Variants in GLP1R observed in about 807,000 individuals in gnomAD.
GLP1R encodes the protein glucagon-like peptide 1 receptor.
In GLP1R, 32 loss-of-function variants were observed where a neutral mutation model predicts 68.4. The ratio of observed to expected loss-of-function variants is 0.47; its 90% CI spans 0.35 to 0.63. The LOEUF (loss-of-function observed/expected upper bound fraction) is 0.63, where lower values mean the gene tolerates loss of function less well. Among genes scored for constraint, GLP1R ranks in the 20% least tolerant of loss-of-function variants. The pLI is 0.00. For missense variants in GLP1R, 502 were observed against 594.9 expected, an observed-to-expected ratio of 0.84 and a Z score of 1.62; for synonymous variants, 263 against 244.4, an observed-to-expected ratio of 1.08 and a Z score of -0.71.
chr6:39,071,867 G>A (rs1431271455), intron 5 of GLP1R, among the ~76,000 whole-genome samples: 1 of 152,068 alleles, frequency 6.6e-6, no homozygotes, highest in East Asian at 1.9e-4. Flanking sequence ...CTCCTTTAAG[G>A]TAGCGAGTCT....
chr6:39,052,150 TG>T (rs1254750330), intron 1 of GLP1R, among the ~76,000 whole-genome samples: 1 of 151,758 alleles, frequency 6.6e-6, no homozygotes, highest in East Asian at 1.9e-4. Context: ...TGTGTCCACG[TG>T]GGGGTTTTTG....
chr6:39,080,686 T>A lies in GLP1R; in HGVS notation c.1183-12T>A. 6.3e-7 allele frequency: 1 copy of A among 1,589,492 alleles called. No homozygotes were observed. Among genetic ancestry groups the A allele is most frequent in the South Asian group, 1.1e-5 (1 of 88,438 alleles). On this transcript the variant is annotated splice_polypyrimidine_tract_variant and intron_variant, in intron 11 of 12. Transcript: ENST00000373256. ...CCTGCTTCCTCCCTCTTGATGTGAC[T>A]CTTGTTTCCAGGGGCTGATGGTGGC...
chr6:39,051,979 G>A (rs1768099734), intron 1 of GLP1R, among the ~76,000 whole-genome samples: 2 of 151,690 alleles, frequency 1.3e-5, no homozygotes, highest in Non-Finnish European at 2.9e-5. Context: ...ATGTGAGAGT[G>A]TCTGTGTGTT....
intron 12 of GLP1R, among the ~76,000 whole-genome samples, chr6:39,082,123 G>A (rs1223516257): frequency 6.6e-6 from 1 of 152,156 alleles, no homozygotes; most frequent in Non-Finnish European, 1.5e-5. Context: ...AAAGGGAAGG[G>A]AGGGGAATGT....
chr6:39,073,000 G>A lies in GLP1R; in HGVS notation c.648G>A (p.Gly216=). The change falls in exon 6 of 13, where the codon GGG becomes GGA. Residue 216 remains glycine, a synonymous_variant. Coordinates refer to ENST00000373256, the MANE Select transcript of GLP1R (RefSeq NM_002062.5). ...STAAQQHQWD[G]LLSYQDSLSC... Reference sequence around the variant, plus strand: ...CCGCCCAGCAGCACCAGTGGGATGGGCTCCTCTCCTACCAGGTGTGTGGTG... The same window carrying A: ...CCGCCCAGCAGCACCAGTGGGATGGACTCCTCTCCTACCAGGTGTGTGGTG... 6.2e-7 allele frequency: 1 copy of A among 1,613,990 alleles called. No homozygotes were observed. Among genetic ancestry groups the A allele is most frequent in the East Asian group, 2.2e-5 (1 of 44,876 alleles).
chr6:39,061,398 T>C (rs899604014), intron 3 of GLP1R, among the ~76,000 whole-genome samples: 1 of 152,232 alleles, frequency 6.6e-6, no homozygotes, highest in East Asian at 1.9e-4. Context: ...CACCTCCTCC[T>C]GATCCCTACC....
rs754524251 is a variant in GLP1R at position 39,072,967 on chromosome 6, T to C, written c.615T>C (p.Tyr205=). ...AGGACGCAGCCCTGAAGTGGATGTA[T>C]AGCACAGCCGCCCAGCAGCACCAGT... The part of the protein sequence containing the change: ...FIKDAALKWM[Y]STAAQQHQWD... The change falls in exon 6 of 13, where the codon TAT becomes TAC. Residue 205 remains tyrosine (Y), a synonymous_variant. Coordinates refer to ENST00000373256, the MANE Select transcript of GLP1R (RefSeq NM_002062.5). 6.2e-7 allele frequency: 1 copy of C among 1,614,144 alleles called. No individual in the cohort carries two copies. Among genetic ancestry groups the C allele is most frequent in the Non-Finnish European group, 8.5e-7 (1 of 1,179,974 alleles).
intron 2 of GLP1R, among the ~76,000 whole-genome samples, chr6:39,056,972 A>G (rs551634203): frequency 6.6e-6 from 1 of 152,268 alleles, no homozygotes; most frequent in Admixed American, 6.5e-5. Flanking sequence ...TGTTTCAGGG[A>G]GTTCACAAGG....
chr6:39,056,403 A>T lies in GLP1R; in HGVS notation c.85A>T (p.Thr29Ser). Residue 29 changes from threonine (T) to serine (S), a missense_variant, in exon 2 of 13, where the codon ACT becomes TCT. Physicochemically the swap from Thr to Ser is moderately conservative, Grantham distance 58. Transcript: ENST00000373256. ...GRAGPRPQGA[T>S]VSLWETVQKW... Reference sequence around the variant, plus strand: ...ATATATGCCCTCCCCCCAGGGTGCCACTGTGTCCCTCTGGGAGACGGTGCA... The same window carrying T: ...ATATATGCCCTCCCCCCAGGGTGCCTCTGTGTCCCTCTGGGAGACGGTGCA... 1 of 1,590,898 alleles carries T rather than the reference A, an allele frequency of 6.3e-7. No individual in the cohort carries two copies. The highest frequency in any genetic ancestry group is 1.1e-5 in the South Asian group (1 of 90,576).
Position 39,056,436 on chromosome 6 carries a change from C to A in GLP1R, c.118C>A (p.Arg40=), listed in dbSNP as rs141990898. The change falls in exon 2 of 13, where the codon CGA becomes AGA. Residue 40 remains arginine, a synonymous_variant. Coordinates refer to ENST00000373256, the MANE Select transcript of GLP1R (RefSeq NM_002062.5). ...VSLWETVQKW[R]EYRRQCQRSL... is the part of the protein sequence containing the mutation. ...CCTCTGGGAGACGGTGCAGAAATGG[C>A]GAGAATACCGACGCCAGTGCCAGCG... 5.0e-6 allele frequency: 8 copies of A among 1,610,306 alleles called. No homozygotes were observed. The highest frequency in any genetic ancestry group is 6.8e-6 in the Non-Finnish European group (8 of 1,176,626).
At chr6:39,073,083 T>C in intron 6 of GLP1R, 68 bp downstream of exon 6, 3 of 1,416,246 alleles carry the variant, frequency 2.1e-6, no homozygotes, top group Non-Finnish European at 3.0e-6. Context: ...TCTGCCACCC[T>C]AGACAGGCCT....
rs199818129 is a variant in GLP1R, at chr6:39,079,593, C to T, written c.1073C>T (p.Pro358Leu). Residue 358 changes from proline to leucine, a missense_variant, in exon 11 of 13, where the codon CCC (proline) becomes CTC (leucine). Pro to Leu is a moderately conservative substitution (Grantham distance 98). Transcript: ENST00000373256. The surrounding 1 kb of genome is among the most constrained non-coding windows in gnomAD (Gnocchi z 4.5). ...GCCAAGTCCACGCTGACACTCATCC[C>T]CCTGCTGGGGACTCATGAGGTCATC... ...RLAKSTLTLI[P>L]LLGTHEVIFA... 6.2e-7 allele frequency: 1 copy of T among 1,604,564 alleles called. No homozygotes were observed. The highest frequency in any genetic ancestry group is 8.5e-7 in the Non-Finnish European group (1 of 1,176,368).
intron 1 of GLP1R, among the ~76,000 whole-genome samples, chr6:39,056,119 C>T (rs771467198): frequency 1.3e-5 from 2 of 152,192 alleles, no homozygotes; most frequent in Non-Finnish European, 2.9e-5. Context: ...CCTTCACCCA[C>T]CCACCTCCCC....
intron 1 of GLP1R, among the ~76,000 whole-genome samples, chr6:39,055,933 A>C (rs2150821058): frequency 6.6e-6 from 1 of 152,188 alleles, no homozygotes; most frequent in East Asian, 1.9e-4. Flanking sequence ...TGCACCCTTG[A>C]TTCAGTTCCT....
intron 3 of GLP1R, among the ~76,000 whole-genome samples, chr6:39,063,766 C>T (rs1768415972): frequency 6.6e-6 from 1 of 152,046 alleles, no homozygotes; most frequent in African/African-American, 2.4e-5. Flanking sequence ...AGGCTGTCAC[C>T]AGACTCTGCA....
chr6:39,058,642 T>TATCATCATCATC (rs112102888), intron 3 of GLP1R, among the ~76,000 whole-genome samples: 4,234 of 149,934 alleles, frequency 0.028, 141 homozygotes, highest in East Asian at 0.16. Context: ...GATATTTCCC[T>TATCATCATCATC]ATCATCATCA....
chr6:39,072,612 G>A (rs1266886568), intron 5 of GLP1R, among the ~76,000 whole-genome samples: 1 of 152,240 alleles, frequency 6.6e-6, no homozygotes, highest in Admixed American at 6.5e-5. Context: ...ATGCTGCAGA[G>A]AGAAGGATAG....
rs1476112389 is a variant in GLP1R, at chr6:39,086,190, C to CACACACACACACACACACAA, written c.*132_*133insCACAAACACACACACACACA. 2 of 714,012 alleles carry CACACACACACACACACACAA rather than the reference C, an allele frequency of 2.8e-6. No homozygotes were observed. The highest frequency in any genetic ancestry group is 3.6e-5 in the African/African-American group (2 of 55,938). 44.2% of individuals were successfully genotyped at this position (714,012 alleles called of 1,614,324 possible). On this transcript the variant is annotated 3_prime_UTR_variant, in exon 13 of 13. Transcript: ENST00000373256. The surrounding 1 kb of genome is among the most constrained non-coding windows in gnomAD (Gnocchi z 4.5). ...GGACACACACACACACACACACACACACACACACACACACATACATCCTGC... is the reference window on the plus strand; with the variant it reads ...GGACACACACACACACACACACACACACACACACACACACACACAAACACACACACACACATACATCCTGC...
rs1769216786 is a variant in GLP1R at position 39,089,110 on chromosome 6, T to G, written c.*3037T>G. Among the ~76,000 whole-genome samples the G allele has an allele frequency of 6.6e-6, 1 of 152,228 alleles. No homozygotes were observed. Among genetic ancestry groups the G allele is most frequent in the African/African-American group, 2.4e-5 (1 of 41,446 alleles). On this transcript the variant is annotated 3_prime_UTR_variant, in exon 13 of 13. Coordinates refer to ENST00000373256, the MANE Select transcript of GLP1R (RefSeq NM_002062.5). The surrounding 1 kb of genome is among the most constrained non-coding windows in gnomAD (Gnocchi z 4.1). Reference sequence around the variant, plus strand: ...GGTGAAAGTGTCATCTCCTTTGTAATTTATACTGGTGAGAGGAGGGGAAGG... The same window carrying G: ...GGTGAAAGTGTCATCTCCTTTGTAAGTTATACTGGTGAGAGGAGGGGAAGG...
Sources: gnomAD v4.1 joint callset for allele counts (sites outside exome capture counted in the v4.1 genomes callset) on GRCh38, gnomAD v4.1.1 for gene constraint, Gnocchi (gnomAD v3.1) non-coding constraint, MANE v1.5 for transcripts, NCBI Gene and HGNC (gene_info 2026-07-23, HGNC 2026-07-21) for gene names.